Variants in ASIC2 observed in about 807,000 individuals in gnomAD.
ASIC2 encodes acid-sensing ion channel 2.
A neutral mutation model predicts 57.3 loss-of-function variants in ASIC2; 25 were observed. The ratio of observed to expected loss-of-function variants is 0.44; its 90% CI spans 0.32 to 0.61. The LOEUF (loss-of-function observed/expected upper bound fraction) is 0.61, where lower values mean the gene tolerates loss of function less well. Among genes scored for constraint, ASIC2 ranks in the 20% least tolerant of loss-of-function variants. The pLI, the probability that ASIC2 is intolerant of heterozygous loss-of-function variation, is 0.06. For synonymous variants in ASIC2, 319 were observed against 307.5 expected, an observed-to-expected ratio of 1.04 and a Z score of -0.39; for missense variants, 641 against 738.1, an observed-to-expected ratio of 0.87 and a Z score of 1.52.
intron 1 of ASIC2, among the ~76,000 whole-genome samples, chr17:33,413,898 T>C (rs1277739109): frequency 6.6e-6 from 1 of 152,220 alleles, no homozygotes; most frequent in Non-Finnish European, 1.5e-5. Context: ...GGTTTCTCCC[T>C]GGCATGCAAG....
rs12601787 is a variant in ASIC2 at position 33,995,591 on chromosome 17, T to C, written c.555+160387A>G. Reference sequence around the variant, plus strand: ...TATATTCCCGGCATACCATGTGATATACATATGTGTGTATGTATATGTTTG... The same window carrying C: ...TATATTCCCGGCATACCATGTGATACACATATGTGTGTATGTATATGTTTG... On this transcript the variant is annotated intron_variant, in intron 1 of 9. Transcript: ENST00000359872. Among the ~76,000 whole-genome samples the C allele has an allele frequency of 1.3e-3, 191 of 152,298 alleles. 2 individuals carry two copies. In the East Asian group the frequency reaches 0.028, roughly 22 times the overall value.
intron 1 of ASIC2, among the ~76,000 whole-genome samples, chr17:33,842,542 T>C (rs1450797368): frequency 6.6e-6 from 1 of 152,156 alleles, no homozygotes; most frequent in African/African-American, 2.4e-5. Flanking sequence ...GCTGGGACGA[T>C]TCAGTGGACT....
intron 1 of ASIC2, among the ~76,000 whole-genome samples, chr17:33,681,346 TC>T (rs747337003): frequency 1.3e-5 from 2 of 152,206 alleles, no homozygotes; most frequent in Non-Finnish European, 2.9e-5. Flanking sequence ...TTTCACAGCA[TC>T]CCTGGCCTCT....
At chr17:33,023,757 T>C in intron 6 of ASIC2, 104 bp downstream of exon 6, 2 of 1,488,064 alleles carry the variant, frequency 1.3e-6, no homozygotes, top group Non-Finnish European at 1.8e-6. Flanking sequence ...TAATGTTTGC[T>C]AACTTGAACC....
At chr17:33,294,232 G>A (rs115988648), upstream of ASIC2, among the ~76,000 whole-genome samples, 299 of 152,206 alleles carry the variant, frequency 2.0e-3, 1 homozygote, top group African/African-American at 6.9e-3. Flanking sequence ...GACATTATCC[G>A]GAGAGTAGAA....
chr17:33,343,915 AC>A (rs1416166003), intron 1 of ASIC2, among the ~76,000 whole-genome samples: 2 of 152,188 alleles, frequency 1.3e-5, no homozygotes, highest in Non-Finnish European at 2.9e-5. Context: ...TGTCCCGTCT[AC>A]CTGGACCGCC....
intron 1 of ASIC2, among the ~76,000 whole-genome samples, chr17:33,584,967 A>G (rs1009466571): frequency 1.9e-4 from 29 of 152,074 alleles, no homozygotes; most frequent in Admixed American, 7.2e-4. Flanking sequence ...GCAGACAGAG[A>G]GAGGAGGGAG....
At chr17:33,378,039 A>G (rs1335190060) in intron 1 of ASIC2, among the ~76,000 whole-genome samples, 1 of 152,200 alleles carries the variant, frequency 6.6e-6, no homozygotes, top group Non-Finnish European at 1.5e-5. Context: ...GGTAGGCACA[A>G]GGTGGCACTG....
At chr17:33,443,963 A>T (rs1209801238) in intron 1 of ASIC2, among the ~76,000 whole-genome samples, 3 of 152,172 alleles carry the variant, frequency 2.0e-5, no homozygotes, top group African/African-American at 7.2e-5. Flanking sequence ...CTTGCGCTCA[A>T]ACAAGTGCTT....
chr17:33,593,396 TCAAGGGCTCGC>T (rs1207727782), intron 1 of ASIC2, among the ~76,000 whole-genome samples: 1 of 152,086 alleles, frequency 6.6e-6, no homozygotes, highest in Non-Finnish European at 1.5e-5. Flanking sequence ...TAGGTTATCT[TCAAGGGCTCGC>T]CCATCACTGA....
intron 1 of ASIC2, among the ~76,000 whole-genome samples, chr17:33,582,376 G>T (rs1904472819): frequency 1.3e-5 from 2 of 152,176 alleles, no homozygotes; most frequent in Admixed American, 6.5e-5. Context: ...ATAAATTAAT[G>T]ATTTCCCAAA....
At chr17:33,326,105 C>A (rs749888459) in intron 1 of ASIC2, among the ~76,000 whole-genome samples, 4 of 152,212 alleles carry the variant, frequency 2.6e-5, no homozygotes, top group Non-Finnish European at 5.9e-5. Context: ...GGCAGCAAGA[C>A]ATTTTTTGGT....
At chr17:33,101,738 AT>A (rs2092212795) in intron 2 of ASIC2, among the ~76,000 whole-genome samples, 2 of 152,172 alleles carry the variant, frequency 1.3e-5, no homozygotes. Flanking sequence ...TTTTGGTTAA[AT>A]CAGTATCCAG....
intron 1 of ASIC2, among the ~76,000 whole-genome samples, chr17:33,791,122 G>C (rs1911756724): frequency 6.6e-6 from 1 of 152,120 alleles, no homozygotes; most frequent in Admixed American, 6.5e-5. Context: ...TCCACCCTTT[G>C]GCTGCTCAAA....
chr17:33,892,244 A>ATTTT (rs1914983182), intron 1 of ASIC2, among the ~76,000 whole-genome samples: 1 of 152,232 alleles, frequency 6.6e-6, no homozygotes, highest in African/African-American at 2.4e-5. Context: ...GAAACAGAAA[A>ATTTT]TATGATAGCA....
At chr17:34,083,548 T>C (rs1173269406) in intron 1 of ASIC2, among the ~76,000 whole-genome samples, 1 of 152,058 alleles carries the variant, frequency 6.6e-6, no homozygotes, top group African/African-American at 2.4e-5. Flanking sequence ...AGTAATGGGA[T>C]GGCTGGGTCA....
intron 1 of ASIC2, among the ~76,000 whole-genome samples, chr17:33,447,078 C>T (rs1276254148): frequency 2.0e-5 from 3 of 152,204 alleles, no homozygotes; most frequent in Non-Finnish European, 4.4e-5. Flanking sequence ...ATGGTGTTTG[C>T]AGTTGGATTA....
chr17:33,480,412 A>G (rs918952816), intron 1 of ASIC2, among the ~76,000 whole-genome samples: 5 of 152,214 alleles, frequency 3.3e-5, no homozygotes, highest in Non-Finnish European at 5.9e-5. Flanking sequence ...GCCACACAAG[A>G]GAAGAGACTG....
At chr17:33,449,875 A>G (rs930710188) in intron 1 of ASIC2, among the ~76,000 whole-genome samples, 5 of 151,950 alleles carry the variant, frequency 3.3e-5, no homozygotes, top group African/African-American at 9.7e-5. Flanking sequence ...CCCAGGTTCA[A>G]GTGATTCTCC....
Sources: allele counts gnomAD v4.1 joint callset (sites outside exome capture counted in the v4.1 genomes callset), GRCh38; gene constraint gnomAD v4.1.1; transcripts MANE v1.5; gene names NCBI Gene and HGNC (gene_info 2026-07-23, HGNC 2026-07-21).